COL19A1: variants seen among roughly 807,000 people sequenced by gnomAD.
The protein encoded by COL19A1 is collagen alpha-1(XIX) chain.
COL19A1 carries 159 observed loss-of-function variants against 190.2 expected under a neutral mutation model. The ratio of observed to expected loss-of-function variants is 0.84; its 90% CI spans 0.73 to 0.95. The LOEUF is 0.95. Ranked by LOEUF, COL19A1 falls within the 40% of genes least tolerant of loss-of-function variation. COL19A1 has a pLI of 0.00. For synonymous variants in COL19A1, 509 were observed against 458.9 expected (o/e 1.11, Z -1.39); for missense variants, 1,418 against 1,431.9 (o/e 0.99, Z 0.16).
chr6:69,879,430 T>C (rs2149943350), intron 1 of COL19A1, 106 bp from the exon 2 acceptor site: 4 of 640,986 alleles, frequency 6.2e-6, no homozygotes, highest in Middle Eastern at 3.7e-4. Flanking sequence ...TATATGATGA[T>C]ATATGATGTA....
intron 18 of COL19A1, among the ~76,000 whole-genome samples, chr6:70,137,471 T>C (rs563422207): frequency 3.9e-5 from 6 of 152,296 alleles, no homozygotes; most frequent in Admixed American, 1.3e-4. Context: ...ATGAAATATA[T>C]GGATTTCTAA....
rs766320706 is a variant in COL19A1 at position 69,959,971 on chromosome 6, ACAT to A, written c.937-24_937-22del. The A allele has an allele frequency of 1.9e-6, 3 of 1,607,822 alleles. No individual in the cohort carries two copies. In the African/African-American group the frequency reaches 4.0e-5, roughly 22 times the overall value. ...GTTCATATATCTTTATGGATCATAA[ACAT>A]TATTCTGTGTACTTCTTTTAGGGTG... On this transcript the variant is annotated intron_variant, in intron 9 of 50. Transcript: ENST00000620364.
At chr6:70,104,915 G>A (rs994397962) in intron 16 of COL19A1, among the ~76,000 whole-genome samples, 2 of 152,132 alleles carry the variant, frequency 1.3e-5, no homozygotes, top group African/African-American at 4.8e-5. Context: ...GATCAAATGA[G>A]TTTACTGAAG....
chr6:69,905,660 C>G (rs899502285), intron 4 of COL19A1, among the ~76,000 whole-genome samples: 1 of 152,206 alleles, frequency 6.6e-6, no homozygotes, highest in African/African-American at 2.4e-5. Flanking sequence ...CGCCTGTGCT[C>G]TAAACTCACT....
intron 4 of COL19A1, among the ~76,000 whole-genome samples, chr6:69,924,210 G>A (rs574910123): frequency 2.6e-5 from 4 of 152,036 alleles, no homozygotes; most frequent in East Asian, 3.9e-4. Context: ...CCATTAACTC[G>A]TCATTTACAT....
At chr6:70,020,357 A>G (rs1562091893) in intron 11 of COL19A1, among the ~76,000 whole-genome samples, 1 of 151,976 alleles carries the variant, frequency 6.6e-6, no homozygotes, top group East Asian at 1.9e-4. Context: ...TTTTTCTCTT[A>G]TGAATTTCTT....
chr6:69,955,568 A>AGTGTGTGTGT (rs1582514913), intron 9 of COL19A1, among the ~76,000 whole-genome samples: 2 of 120,636 alleles, frequency 1.7e-5, no homozygotes, highest in African/African-American at 6.7e-5. Flanking sequence ...TGTGTGTGTA[A>AGTGTGTGTGT]GAGAGAGAAA....
At chr6:69,875,878 A>G (rs1022064892) in intron 1 of COL19A1, among the ~76,000 whole-genome samples, 5 of 152,214 alleles carry the variant, frequency 3.3e-5, no homozygotes, top group African/African-American at 1.2e-4. Context: ...CATCTTACAG[A>G]TAATATTTAA....
chr6:69,958,259 G>C (rs1450819949), intron 9 of COL19A1, among the ~76,000 whole-genome samples: 1 of 152,110 alleles, frequency 6.6e-6, no homozygotes, highest in East Asian at 1.9e-4. Flanking sequence ...ATTTTTGGCA[G>C]TGTATACCGT....
chr6:70,038,517 TA>T (rs986928867), intron 14 of COL19A1, among the ~76,000 whole-genome samples: 1 of 152,206 alleles, frequency 6.6e-6, no homozygotes, highest in Admixed American at 6.5e-5. Context: ...CTCTTTCCGT[TA>T]GGGAGGCATA....
chr6:69,900,557 G>A (rs1770119170), intron 4 of COL19A1, among the ~76,000 whole-genome samples: 1 of 151,964 alleles, frequency 6.6e-6, no homozygotes, highest in South Asian at 2.1e-4. Flanking sequence ...TACAGAAAAA[G>A]GCACGATCAT....
intron 15 of COL19A1, among the ~76,000 whole-genome samples, chr6:70,097,685 A>C (rs575020604): frequency 2.0e-5 from 3 of 152,324 alleles, no homozygotes; most frequent in South Asian, 2.1e-4. Context: ...GAAAACTGAC[A>C]TATTGAGCAC....
chr6:70,054,431 A>G (rs1780380810), intron 14 of COL19A1, among the ~76,000 whole-genome samples: 1 of 152,160 alleles, frequency 6.6e-6, no homozygotes, highest in Non-Finnish European at 1.5e-5. Context: ...AATCACTGCA[A>G]TTTCAGAAAA....
At chr6:70,038,487 A>G (rs1779470523) in intron 14 of COL19A1, among the ~76,000 whole-genome samples, 1 of 152,256 alleles carries the variant, frequency 6.6e-6, no homozygotes, top group South Asian at 2.1e-4. Flanking sequence ...CCAACTTAAT[A>G]CATAGCGATA....
At chr6:70,000,591 G>A (rs1212006434) in intron 11 of COL19A1, among the ~76,000 whole-genome samples, 1 of 152,160 alleles carries the variant, frequency 6.6e-6, no homozygotes, top group Non-Finnish European at 1.5e-5. Flanking sequence ...TCTCATTGTG[G>A]TTTTGATTTG....
At chr6:70,187,499 C>CCTCTTGGCAATCTTCCTTTAT (rs1766605735) in intron 46 of COL19A1, among the ~76,000 whole-genome samples, 9 of 414 alleles carry the variant, frequency 0.022, 4 homozygotes, top group African/African-American at 0.05. Flanking sequence ...GTAATGAGAT[C>CCTCTTGGCAATCTTCCTTTAT]CAGGGGAAAG....
At chr6:70,144,876 A>G in intron 24 of COL19A1, 42 bp from the exon 25 acceptor site, 1 of 1,282,270 alleles carries the variant, frequency 7.8e-7, no homozygotes, top group Non-Finnish European at 1.1e-6. Flanking sequence ...TCCCACCATG[A>G]ACCTGAGCAT....
At chr6:70,139,265 C>G (rs1583005613) in intron 19 of COL19A1, among the ~76,000 whole-genome samples, 1 of 152,124 alleles carries the variant, frequency 6.6e-6, no homozygotes, top group East Asian at 1.9e-4. Context: ...GGTCCATGGA[C>G]CACACTTTAA....
intron 14 of COL19A1, among the ~76,000 whole-genome samples, chr6:70,064,661 A>G (rs1289297658): frequency 6.6e-6 from 1 of 152,174 alleles, no homozygotes; most frequent in African/African-American, 2.4e-5. Flanking sequence ...GGAAAAGAGG[A>G]AGTCAAATTG....
Sources: gnomAD v4.1 joint callset for allele counts (sites outside exome capture counted in the v4.1 genomes callset) on GRCh38, gnomAD v4.1.1 for gene constraint, MANE v1.5 for transcripts, NCBI Gene and HGNC (gene_info 2026-07-23, HGNC 2026-07-21) for gene names.